SEMA3C: variants seen among roughly 807,000 people sequenced by gnomAD.
SEMA3C encodes semaphorin-3C.
A neutral mutation model predicts 89.4 loss-of-function variants in SEMA3C; 47 were observed. The ratio of observed to expected loss-of-function variants is 0.53; its 90% CI spans 0.42 to 0.67. The LOEUF (loss-of-function observed/expected upper bound fraction) is 0.67, where lower values mean the gene tolerates loss of function less well. SEMA3C is among the 30% of genes least tolerant of loss of function. The pLI is 0.00. For synonymous variants in SEMA3C, 310 were observed against 320.2 expected (o/e 0.97, Z 0.34); for missense variants, 839 against 929.1 (o/e 0.90, Z 1.26).
chr7:80,916,831 AG>A lies in SEMA3C; in HGVS notation c.-38-13del. ...CCAAGGGAAAATACCTTTAAGAGAGAGACAACATGTTTGTTATATCTCATTT... is the reference window on the plus strand; with the variant it reads ...CCAAGGGAAAATACCTTTAAGAGAGAACAACATGTTTGTTATATCTCATTT... On this transcript the variant is annotated splice_polypyrimidine_tract_variant and intron_variant, in intron 1 of 17. Coordinates refer to ENST00000265361, the MANE Select transcript of SEMA3C (RefSeq NM_006379.5). 6.2e-7 allele frequency: 1 copy of A among 1,605,968 alleles called. No individual in the cohort carries two copies. The highest frequency in any genetic ancestry group is 8.5e-7 in the Non-Finnish European group (1 of 1,176,752).
chr7:80,860,975 T>C (rs1790757435), intron 2 of SEMA3C, among the ~76,000 whole-genome samples: 1 of 152,210 alleles, frequency 6.6e-6, no homozygotes, highest in Non-Finnish European at 1.5e-5. Context: ...TGTGTGACTT[T>C]AAATCAAAGG....
intron 15 of SEMA3C, 85 bp from the exon 16 acceptor site, chr7:80,751,421 G>T: frequency 2.4e-6 from 3 of 1,244,154 alleles, no homozygotes; most frequent in South Asian, 1.3e-5. Context: ...TTTAAACTTT[G>T]CACCCTTTTT....
intron 6 of SEMA3C, among the ~76,000 whole-genome samples, chr7:80,807,617 A>G (rs1789372816): frequency 1.5e-5 from 2 of 132,258 alleles, no homozygotes; most frequent in Admixed American, 7.7e-5. Context: ...TACTGACTAG[A>G]AAAACTTCAT....
At chr7:80,774,676 A>G (rs1788506506) in intron 12 of SEMA3C, among the ~76,000 whole-genome samples, 1 of 152,244 alleles carries the variant, frequency 6.6e-6, no homozygotes, top group South Asian at 2.1e-4. Context: ...TGCAATTGGA[A>G]AAACAGAGGG....
intron 6 of SEMA3C, among the ~76,000 whole-genome samples, chr7:80,807,071 CT>C (rs3837053): frequency 0.045 from 6,611 of 148,404 alleles, 363 homozygotes; most frequent in East Asian, 0.25. Flanking sequence ...TGTATGAAGG[CT>C]TTTTTTTTTC....
chr7:80,893,401 C>T (rs985536375), intron 2 of SEMA3C, among the ~76,000 whole-genome samples: 7 of 152,156 alleles, frequency 4.6e-5, no homozygotes, highest in Non-Finnish European at 7.4e-5. Context: ...TCTTTCCTGA[C>T]CATATGTTCT....
At chr7:80,852,144 A>G (rs926130948) in intron 2 of SEMA3C, among the ~76,000 whole-genome samples, 14 of 152,144 alleles carry the variant, frequency 9.2e-5, no homozygotes, top group African/African-American at 3.4e-4. Flanking sequence ...TCTTGGACAC[A>G]TTTGGTTGGA....
chr7:80,795,099 A>T (rs73372905), intron 11 of SEMA3C, among the ~76,000 whole-genome samples: 5,053 of 152,272 alleles, frequency 0.033, 167 homozygotes, highest in Admixed American at 0.077. Context: ...TTGATCCTTC[A>T]TTGGGAGGAC....
At position 80,745,254 on chromosome 7, in the gene SEMA3C, A is replaced by G; in HGVS notation, c.1896T>C (p.Ser632=). 1 of 1,614,030 alleles carries G rather than the reference A, an allele frequency of 6.2e-7. No individual in the cohort carries two copies. The highest frequency in any genetic ancestry group is 8.5e-7 in the Non-Finnish European group (1 of 1,179,930). Residue 632 remains serine (S), a synonymous_variant, in exon 18 of 18, where the codon TCT becomes TCC. Coordinates refer to ENST00000265361, the MANE Select transcript of SEMA3C (RefSeq NM_006379.5). ...IATSQGLLIR[S]VQGSDQGLYH... ...AAAGTCCTTGGTCAGAACCCTGAAC[A>G]GAGCGGATCAGGAGTCCCTGTGAAG...
chr7:80,803,572 G>T (rs1032647413), intron 8 of SEMA3C, among the ~76,000 whole-genome samples: 2 of 152,096 alleles, frequency 1.3e-5, no homozygotes, highest in African/African-American at 4.8e-5. Context: ...ATTTTCTTGT[G>T]TTGCTATGTA....
At chr7:80,786,827 C>G (rs1338787000) in intron 12 of SEMA3C, among the ~76,000 whole-genome samples, 1 of 152,098 alleles carries the variant, frequency 6.6e-6, no homozygotes, top group Non-Finnish European at 1.5e-5. Flanking sequence ...AGAGATTGAA[C>G]TTTGAGAGAA....
Position 80,818,295 on chromosome 7 carries a change from T to G in SEMA3C, c.447+4A>C. The stretch of plus-strand genomic sequence containing the variant: ...AACTAAGAATGTTAAATAGTTATAC[T>G]TACCTCTGATCTCCTCCCTCTGTTC... On this transcript the variant is annotated splice_donor_region_variant and intron_variant, in intron 5 of 17. Transcript: ENST00000265361. 6.3e-7 allele frequency: 1 copy of G among 1,597,444 alleles called. No individual in the cohort carries two copies. Among genetic ancestry groups the G allele is most frequent in the Non-Finnish European group, 8.6e-7 (1 of 1,168,022 alleles).
intron 2 of SEMA3C, among the ~76,000 whole-genome samples, chr7:80,835,753 A>G (rs189086954): frequency 1.3e-5 from 2 of 152,324 alleles, no homozygotes; most frequent in Non-Finnish European, 2.9e-5. Flanking sequence ...TACCAGTAGC[A>G]GCAAGTGTTC....
chr7:80,754,318 C>T (rs995705454), intron 15 of SEMA3C, among the ~76,000 whole-genome samples: 3 of 152,090 alleles, frequency 2.0e-5, no homozygotes, highest in African/African-American at 7.2e-5. Flanking sequence ...GTATGGATTC[C>T]ACCAATTTCC....
intron 5 of SEMA3C, among the ~76,000 whole-genome samples, chr7:80,815,554 C>CAAAAAAAAAAAAAAAAAAAAAAA (rs761990267): frequency 5.8e-4 from 34 of 58,854 alleles, no homozygotes; most frequent in East Asian, 2.9e-3. Flanking sequence ...TTTAAATGGG[C>CAAAAAAAAAAAAAAAAAAAAAAA]AAAAAAAAAA....
At chr7:80,873,716 T>C in intron 2 of SEMA3C, among the ~76,000 whole-genome samples, 1 of 152,188 alleles carries the variant, frequency 6.6e-6, no homozygotes, top group Non-Finnish European at 1.5e-5. Flanking sequence ...GGGCCTTTTG[T>C]AGTGTTTCGT....
intron 2 of SEMA3C, among the ~76,000 whole-genome samples, chr7:80,907,274 T>C (rs1486525748): frequency 6.6e-6 from 1 of 152,076 alleles, no homozygotes; most frequent in East Asian, 1.9e-4. Context: ...AGATCCGCTC[T>C]CTGTGCCAGC....
At chr7:80,771,999 A>G (rs1426913378) in intron 12 of SEMA3C, among the ~76,000 whole-genome samples, 2 of 152,158 alleles carry the variant, frequency 1.3e-5, no homozygotes, top group Admixed American at 1.3e-4. Flanking sequence ...AAATCACCAT[A>G]TTTACTAAAA....
At chr7:80,826,532 C>G (rs1351937228) in intron 4 of SEMA3C, among the ~76,000 whole-genome samples, 1 of 152,076 alleles carries the variant, frequency 6.6e-6, no homozygotes, top group African/African-American at 2.4e-5. Context: ...TCTGTCTTTG[C>G]ACCAATTATG....
Sources: gnomAD v4.1 joint callset for allele counts (sites outside exome capture counted in the v4.1 genomes callset) on GRCh38, gnomAD v4.1.1 for gene constraint, MANE v1.5 for transcripts, NCBI Gene and HGNC (gene_info 2026-07-23, HGNC 2026-07-21) for gene names.